NELL2: variants seen among roughly 807,000 people sequenced by gnomAD.
NELL2 encodes the protein neural EGFL like 2, also known as protein kinase C-binding protein NELL2.
In NELL2, 41 loss-of-function variants were observed where a neutral mutation model predicts 109.6. The observed-to-expected ratio is 0.37, with a 90% CI of 0.29 to 0.49. The LOEUF is 0.49. NELL2 is among the 20% of genes least tolerant of loss of function. The pLI is 0.98. For missense variants in NELL2, 900 were observed against 1,008.3 expected, an observed-to-expected ratio of 0.89 and a Z score of 1.45; for synonymous variants, 355 against 344.7, an observed-to-expected ratio of 1.03 and a Z score of -0.33.
chr12:44,550,876 G>T (rs1019322784), intron 15 of NELL2, among the ~76,000 whole-genome samples: 2 of 152,110 alleles, frequency 1.3e-5, no homozygotes, highest in African/African-American at 4.8e-5. Flanking sequence ...GGGGAAAGGG[G>T]AAGGTGATGG....
At chr12:44,802,155 G>A (rs1942853355) in intron 3 of NELL2, among the ~76,000 whole-genome samples, 1 of 152,040 alleles carries the variant, frequency 6.6e-6, no homozygotes, top group African/African-American at 2.4e-5. Flanking sequence ...TTTTCTTAAT[G>A]TGATTGAGCA....
At chr12:44,620,143 A>G (rs1945999788) in intron 13 of NELL2, among the ~76,000 whole-genome samples, 1 of 148,096 alleles carries the variant, frequency 6.8e-6, no homozygotes, top group Non-Finnish European at 1.5e-5. Flanking sequence ...TTTTTATGGC[A>G]AAGAAGAAGA....
intron 1 of NELL2, among the ~76,000 whole-genome samples, chr12:44,886,818 G>A (rs371905762): frequency 2.0e-5 from 3 of 151,580 alleles, no homozygotes; most frequent in South Asian, 4.2e-4. Context: ...TCCCCTCCCC[G>A]CTAAACTTCC....
intron 15 of NELL2, among the ~76,000 whole-genome samples, chr12:44,569,573 T>G (rs1043469090): frequency 6.6e-6 from 1 of 152,198 alleles, no homozygotes; most frequent in Non-Finnish European, 1.5e-5. Flanking sequence ...AGTTTTAGTT[T>G]ATAAATGGCT....
chr12:44,876,883 C>T, upstream of NELL2: 5 of 1,284,208 alleles, frequency 3.9e-6, no homozygotes, highest in Non-Finnish European at 4.9e-6. Flanking sequence ...CCTGGGAAGC[C>T]CCGGGTGTCC....
intron 3 of NELL2, among the ~76,000 whole-genome samples, chr12:44,803,879 A>T (rs565720044): frequency 6.6e-6 from 1 of 152,108 alleles, no homozygotes; most frequent in Admixed American, 6.6e-5. Flanking sequence ...TAGTTTTCAG[A>T]TGTTATATCA....
At chr12:44,644,486 T>C (rs555294913) in intron 13 of NELL2, among the ~76,000 whole-genome samples, 1 of 150,814 alleles carries the variant, frequency 6.6e-6, no homozygotes, top group African/African-American at 2.4e-5. Context: ...CTTCATTTGA[T>C]GCAGGCTCAG....
At chr12:44,539,711 AAT>A (rs1173510908) in intron 15 of NELL2, among the ~76,000 whole-genome samples, 1 of 152,192 alleles carries the variant, frequency 6.6e-6, no homozygotes. Context: ...GTAGTTTGAA[AAT>A]AGTTTTTATA....
chr12:44,886,806 C>A (rs1945478612), intron 1 of NELL2, among the ~76,000 whole-genome samples: 2 of 151,892 alleles, frequency 1.3e-5, no homozygotes, highest in African/African-American at 2.4e-5. Flanking sequence ...TTCTCTTCAT[C>A]CTCCCCTCCC....
chr12:44,567,441 A>G (rs1565938995), intron 15 of NELL2, among the ~76,000 whole-genome samples: 2 of 152,318 alleles, frequency 1.3e-5, no homozygotes, highest in Middle Eastern at 6.8e-3. Flanking sequence ...TTCTTGAAAT[A>G]GAAATCAGAG....
chr12:44,773,184 G>C (rs1941615572), intron 9 of NELL2, among the ~76,000 whole-genome samples: 1 of 152,152 alleles, frequency 6.6e-6, no homozygotes. Context: ...GATAAAAGAA[G>C]TTAAAGCAGG....
chr12:44,816,206 A>G (rs895526755), intron 2 of NELL2, 70 bp from the exon 3 acceptor site: 3 of 1,333,706 alleles, frequency 2.2e-6, no homozygotes, highest in Non-Finnish European at 3.0e-6. Context: ...TACATGTAAC[A>G]TCTTTCAAAA....
rs956548228 is a variant in NELL2 at position 44,688,745 on chromosome 12, T to A, written c.1318+14981A>T. Among the ~76,000 whole-genome samples, 18 of 152,222 alleles carry A rather than the reference T, an allele frequency of 1.2e-4. 1 individual carries two copies. Among genetic ancestry groups the A allele is most frequent in the East Asian group, 1.9e-4 (1 of 5,202 alleles). The stretch of plus-strand genomic sequence containing the variant: ...GTTAAATCTCCAAATTTGGCATTTT[T>A]AAAAAATAATTATAGTTGGCTGCAC... On this transcript the variant is annotated intron_variant, in intron 12 of 19. Transcript: ENST00000429094.
chr12:44,745,016 A>G (rs1940244651), intron 9 of NELL2, among the ~76,000 whole-genome samples: 1 of 152,200 alleles, frequency 6.6e-6, no homozygotes, highest in Admixed American at 6.5e-5. Context: ...AGAATTTTAC[A>G]CCAATATCCT....
At chr12:44,711,929 T>G (rs987597534) in intron 10 of NELL2, among the ~76,000 whole-genome samples, 4 of 152,198 alleles carry the variant, frequency 2.6e-5, no homozygotes, top group African/African-American at 9.6e-5. Context: ...CTAGCACATT[T>G]TCAGGCACAT....
chr12:44,779,260 A>G (rs1470488140), intron 5 of NELL2, among the ~76,000 whole-genome samples: 1 of 152,224 alleles, frequency 6.6e-6, no homozygotes, highest in Non-Finnish European at 1.5e-5. Context: ...CTGCAGTACA[A>G]GGAGACCATG....
intron 2 of NELL2, among the ~76,000 whole-genome samples, chr12:44,859,935 C>T (rs142311936): frequency 3.3e-5 from 5 of 152,286 alleles, no homozygotes; most frequent in African/African-American, 1.2e-4. Flanking sequence ...ATTACAGCTA[C>T]CACACTTGCT....
chr12:44,658,892 A>G (rs1376225189), intron 13 of NELL2, among the ~76,000 whole-genome samples: 1 of 150,798 alleles, frequency 6.6e-6, no homozygotes, highest in Non-Finnish European at 1.5e-5. Context: ...AAAAAAAAAA[A>G]AAAAAAAGAA....
At chr12:44,702,945 C>T (rs1476326752) in intron 12 of NELL2, among the ~76,000 whole-genome samples, 2 of 152,184 alleles carry the variant, frequency 1.3e-5, no homozygotes, top group Admixed American at 6.5e-5. Context: ...ATGACATATG[C>T]TTTTCATGTG....
Sources: gnomAD v4.1 joint callset for allele counts (sites outside exome capture counted in the v4.1 genomes callset) on GRCh38, gnomAD v4.1.1 for gene constraint, MANE v1.5 for transcripts, NCBI Gene and HGNC (gene_info 2026-07-23, HGNC 2026-07-21) for gene names.